FMO1: variants seen among roughly 807,000 people sequenced by gnomAD.
The protein encoded by FMO1 is flavin containing dimethylaniline monoxygenase 1, also known as flavin-containing monooxygenase 1.
Under a neutral mutation model 45.4 loss-of-function variants are expected in FMO1, and 36 were observed. The ratio of observed to expected loss-of-function variants is 0.79; its 90% CI spans 0.61 to 1.05. The LOEUF (loss-of-function observed/expected upper bound fraction) is 1.05, where lower values mean the gene tolerates loss of function less well. Ranked by LOEUF, FMO1 falls within the 50% of genes least tolerant of loss-of-function variation. FMO1 has a pLI of 0.00. For missense variants in FMO1, 615 were observed against 640.3 expected (o/e 0.96, Z 0.43); for synonymous variants, 228 against 227.2 (o/e 1.00, Z -0.03).
At chr1:171,268,460 T>C (rs946463399) in intron 3 of FMO1, among the ~76,000 whole-genome samples, 8 of 152,230 alleles carry the variant, frequency 5.3e-5, no homozygotes, top group African/African-American at 1.9e-4. Flanking sequence ...CCTTGCTATG[T>C]GAAAGAAATC....
In FMO1 at chr1:171,284,183, AAAAAC is replaced by A. The variant is rs888210983; in HGVS notation, c.1256+972_1256+976del. ...AATAAAGGTTCTGTGGCAAAAAAAAAAAAACAAAAAACAGCAAGTTTTAAAATCAT... is the reference window on the plus strand; with the variant it reads ...AATAAAGGTTCTGTGGCAAAAAAAAAAAAAAACAGCAAGTTTTAAAATCAT... On this transcript the variant is annotated intron_variant, in intron 8 of 8. Transcript: ENST00000617670. Among the ~76,000 whole-genome samples the A allele has an allele frequency of 1.1e-4, 10 of 90,850 alleles. No homozygotes were observed. In the African/African-American group the frequency reaches 1.2e-3, roughly 11 times the overall value. 59.6% of individuals were successfully genotyped at this position (90,850 alleles called of 152,430 possible).
intron 2 of FMO1, among the ~76,000 whole-genome samples, chr1:171,264,171 A>G (rs1019806451): frequency 5.3e-5 from 8 of 152,172 alleles, no homozygotes; most frequent in African/African-American, 1.9e-4. Context: ...CGTTTTGAGA[A>G]ACAGAAGGGT....
In FMO1 at chr1:171,278,736, T is replaced by C; in HGVS notation, c.492T>C (p.Asn164=). Reference sequence around the variant, plus strand: ...CTCTTTTATTTTCTATAGGTATTAATGCCTTTAAAGGCCAGTACTTTCATA... The same window carrying C: ...CTCTTTTATTTTCTATAGGTATTAACGCCTTTAAAGGCCAGTACTTTCATA... ...YLPLDSFPGI[N]AFKGQYFHSR... The change falls in exon 5 of 9, where the codon AAT becomes AAC. Residue 164 remains asparagine, a synonymous_variant. Coordinates refer to ENST00000617670, the MANE Select transcript of FMO1 (RefSeq NM_001282693.2). The C allele has an allele frequency of 6.2e-7, 1 of 1,602,634 alleles. No homozygotes were observed. The highest frequency in any genetic ancestry group is 8.5e-7 in the Non-Finnish European group (1 of 1,171,932).
intron 2 of FMO1, among the ~76,000 whole-genome samples, chr1:171,262,347 A>G (rs1660412536): frequency 6.6e-6 from 1 of 152,232 alleles, no homozygotes; most frequent in Non-Finnish European, 1.5e-5. Context: ...GTAAAAGCAC[A>G]CAGACATCAT....
intron 4 of FMO1, among the ~76,000 whole-genome samples, chr1:171,275,983 A>T (rs1661091360): frequency 6.6e-6 from 1 of 152,188 alleles, no homozygotes; most frequent in Non-Finnish European, 1.5e-5. Context: ...GCACTGGTCA[A>T]TAGTCAAGAG....
chr1:171,260,545 C>A (rs1276759893), intron 2 of FMO1, among the ~76,000 whole-genome samples: 1 of 152,120 alleles, frequency 6.6e-6, no homozygotes, highest in Non-Finnish European at 1.5e-5. Flanking sequence ...AGAGCACTCA[C>A]ACCAGAGGCC....
chr1:171,258,806 C>T (rs1173872376), intron 2 of FMO1, among the ~76,000 whole-genome samples: 2 of 152,014 alleles, frequency 1.3e-5, no homozygotes, highest in Non-Finnish European at 2.9e-5. Context: ...GTAATATACT[C>T]AAGTCTCAGC....
Position 171,271,558 on chromosome 1 carries a change from CT to C in FMO1, c.322-3787del, listed in dbSNP as rs1660869460. 3.7e-6 allele frequency: 3 copies of C among 817,146 alleles called. No individual in the cohort carries two copies. The East Asian group carries it at 7.2e-5, about 20-fold the overall frequency. The allele number at this position is 817,146 out of a possible 1,614,324, so 50.6% of individuals were successfully genotyped here. A position where few individuals can be genotyped will look rare whatever the true frequency, so the allele number is the denominator to read the frequency against. ...AAAAATGCATATGATGACATTTTGC[CT>C]CTTGGCTTCTTAGAATCTCCTTTGC... is the stretch of plus-strand genomic sequence containing the variant. On this transcript the variant is annotated intron_variant, in intron 3 of 8. Coordinates refer to ENST00000617670, the MANE Select transcript of FMO1 (RefSeq NM_001282693.2).
At chr1:171,284,325 T>A (rs370619179) in intron 8 of FMO1, among the ~76,000 whole-genome samples, 16 of 152,344 alleles carry the variant, frequency 1.1e-4, no homozygotes, top group Admixed American at 6.5e-4. Context: ...GCATTTTAGA[T>A]GTCTCTTCTT....
chr1:171,249,161 T>C (rs541309707), intron 1 of FMO1, among the ~76,000 whole-genome samples: 1 of 152,234 alleles, frequency 6.6e-6, no homozygotes, highest in South Asian at 2.1e-4. Flanking sequence ...CTTCATTCTA[T>C]GTATTATGTC....
At position 171,266,806 on chromosome 1, in the gene FMO1, A is replaced by G. The variant is rs140070725; in HGVS notation, c.133-737A>G. On this transcript the variant is annotated intron_variant, in intron 2 of 8. Transcript: ENST00000617670. ...GCCACTGAAATTAGAATAATCCTCCATACTACTCCCCAAAAGACAGAGGCA... is the reference window on the plus strand; with the variant it reads ...GCCACTGAAATTAGAATAATCCTCCGTACTACTCCCCAAAAGACAGAGGCA... Among the ~76,000 whole-genome samples the G allele has an allele frequency of 1.5e-4, 23 of 152,344 alleles. 1 individual carries two copies. The East Asian group carries it at 4.4e-3, about 29-fold the overall frequency.
At chr1:171,258,722 G>C (rs939998925) in intron 2 of FMO1, among the ~76,000 whole-genome samples, 2 of 152,204 alleles carry the variant, frequency 1.3e-5, no homozygotes, top group South Asian at 4.1e-4. Context: ...GGCAATCCCA[G>C]TGCAGGCCAA....
At position 171,261,612 on chromosome 1, in the gene FMO1, G is replaced by A. The variant is rs145824219; in HGVS notation, c.132+3393G>A. 3.7e-3 allele frequency among the ~76,000 whole-genome samples: 564 copies of A among 152,216 alleles called. 3 individuals carry two copies. Among genetic ancestry groups the A allele is most frequent in the African/African-American group, 0.012 (509 of 41,524 alleles). Reference sequence around the variant, plus strand: ...AAATTACTGCATTTTGGCCAGGCGCGGTGGCTCATGCCTGTAATCCCAGCT... The same window carrying A: ...AAATTACTGCATTTTGGCCAGGCGCAGTGGCTCATGCCTGTAATCCCAGCT... On this transcript the variant is annotated intron_variant, in intron 2 of 8. Transcript: ENST00000617670.
intron 2 of FMO1, among the ~76,000 whole-genome samples, chr1:171,261,738 A>C (rs1261822853): frequency 6.6e-6 from 1 of 152,198 alleles, no homozygotes; most frequent in Non-Finnish European, 1.5e-5. Flanking sequence ...AAAAGGAAAA[A>C]AAAGACAAAA....
chr1:171,266,751 T>C (rs147547758), intron 2 of FMO1, among the ~76,000 whole-genome samples: 7 of 152,322 alleles, frequency 4.6e-5, no homozygotes, highest in African/African-American at 1.7e-4. Context: ...ATATGCAAGA[T>C]GGTAAATAAT....
chr1:171,258,355 G>C, intron 2 of FMO1, 136 bp downstream of exon 2: 1 of 1,004,200 alleles, frequency 1.0e-6, no homozygotes, highest in African/African-American at 1.6e-5. Context: ...GGGACCATGA[G>C]GAGCCACTGA....
chr1:171,275,365 C>A lies in FMO1; in HGVS notation c.341C>A (p.Thr114Lys). The A allele has an allele frequency of 6.2e-7, 1 of 1,613,804 alleles. No homozygotes were observed. Among genetic ancestry groups the A allele is most frequent in the Non-Finnish European group, 8.5e-7 (1 of 1,179,848 alleles). Residue 114 changes from threonine (T) to lysine (K), a missense_variant, in exon 4 of 9, where the codon ACA becomes AAA. Coordinates refer to ENST00000617670, the MANE Select transcript of FMO1 (RefSeq NM_001282693.2). Reference protein sequence around the residue: ...IQFKTKVCSVTKCSDSAVSGQ... With the variant: ...IQFKTKVCSVKKCSDSAVSGQ... ...TTTCAGACCAAAGTCTGCAGTGTAA[C>A]AAAATGCTCAGATTCTGCTGTCTCT... is the stretch of plus-strand genomic sequence containing the variant.
intron 1 of FMO1, among the ~76,000 whole-genome samples, chr1:171,251,076 A>G (rs1659867034): frequency 6.6e-6 from 1 of 152,228 alleles, no homozygotes; most frequent in Non-Finnish European, 1.5e-5. Context: ...AGGAAGGCAG[A>G]GTAGTTTACC....
intron 3 of FMO1, among the ~76,000 whole-genome samples, chr1:171,271,873 G>A (rs375228317): frequency 1.1e-4 from 16 of 152,356 alleles, no homozygotes; most frequent in Admixed American, 6.5e-4. Context: ...GCCTGACAAT[G>A]CAATAGAAAA....
Sources: allele counts gnomAD v4.1 joint callset (sites outside exome capture counted in the v4.1 genomes callset), GRCh38; gene constraint gnomAD v4.1.1; transcripts MANE v1.5; gene names NCBI Gene and HGNC (gene_info 2026-07-23, HGNC 2026-07-21).